The following IPO5 variants were observed in gnomAD, a reference collection of about 807,000 sequenced individuals.
The protein encoded by IPO5 is importin 5.
A neutral mutation model predicts 143.3 loss-of-function variants in IPO5; 18 were observed. That is an observed-to-expected ratio of 0.13 (90% CI 0.09 to 0.19). IPO5 has a LOEUF of 0.19. Ranked by LOEUF, IPO5 falls within the 10% of genes least tolerant of loss-of-function variation. The pLI, the probability that IPO5 is intolerant of heterozygous loss-of-function variation, is 1.00. For missense variants in IPO5, 1,013 were observed against 1,336.9 expected, an observed-to-expected ratio of 0.76 and a Z score of 3.78; for synonymous variants, 477 against 465.7, an observed-to-expected ratio of 1.02 and a Z score of -0.31.
intron 2 of IPO5, among the ~76,000 whole-genome samples, chr13:97,968,388 G>A (rs1885531131): frequency 6.6e-6 from 1 of 152,142 alleles, no homozygotes; most frequent in African/African-American, 2.4e-5. Flanking sequence ...CACTTGTCTT[G>A]TAGGTGTAGT....
At chr13:97,976,331 T>G (rs1250765522) in intron 3 of IPO5, 2 of 151,160 alleles carry the variant, frequency 1.3e-5, no homozygotes, top group Non-Finnish European at 2.9e-5. Context: ...CTGGCCCGGC[T>G]GCGAAGCCGC....
intron 4 of IPO5, chr13:97,979,963 T>G (rs1265768768): frequency 2.2e-6 from 1 of 456,684 alleles, no homozygotes; most frequent in Non-Finnish European, 4.4e-6. Context: ...CTATAAATAT[T>G]TATGGAATGA....
chr13:97,998,584 A>C (rs1461083165), intron 12 of IPO5, among the ~76,000 whole-genome samples: 1 of 152,182 alleles, frequency 6.6e-6, no homozygotes, highest in Non-Finnish European at 1.5e-5. Context: ...AGTCCCATGA[A>C]TACAGGAAAA....
intron 25 of IPO5, among the ~76,000 whole-genome samples, chr13:98,017,679 C>T (rs570648418): frequency 1.2e-4 from 18 of 152,146 alleles, no homozygotes; most frequent in Admixed American, 9.8e-4. Context: ...TGCCTCTGCC[C>T]CTGTGCGTGC....
At chr13:98,015,248 G>GTGTGTC (rs1373709444) in intron 22 of IPO5, among the ~76,000 whole-genome samples, 2 of 151,158 alleles carry the variant, frequency 1.3e-5, no homozygotes, top group African/African-American at 4.9e-5. Flanking sequence ...CTGGTTGTGT[G>GTGTGTC]TGTGTGTGTG....
At chr13:98,015,242 T>TTTTGTGTGTG (rs1555311876) in intron 22 of IPO5, among the ~76,000 whole-genome samples, 3 of 147,724 alleles carry the variant, frequency 2.0e-5, no homozygotes, top group Admixed American at 6.8e-5. Context: ...TAGGAGCTGG[T>TTTTGTGTGTG]TGTGTGTGTG....
intron 3 of IPO5, among the ~76,000 whole-genome samples, chr13:97,973,760 G>A (rs890707994): frequency 6.6e-6 from 1 of 152,138 alleles, no homozygotes; most frequent in Admixed American, 6.5e-5. Context: ...TTAGGTTTAC[G>A]CTTTGCCTCG....
chr13:98,000,743 CTT>C, intron 13 of IPO5, 98 bp downstream of exon 13: 2 of 767,902 alleles, frequency 2.6e-6, no homozygotes, highest in Non-Finnish European at 4.4e-6. Flanking sequence ...TAATCTTTGT[CTT>C]TTTATCATCC....
intron 2 of IPO5, 126 bp from the exon 3 acceptor site, chr13:97,969,597 C>A: frequency 1.6e-6 from 1 of 618,504 alleles, no homozygotes. Context: ...TTTTCTCCAA[C>A]TCTTAACCAG....
chr13:97,994,903 AT>A (rs1888115070), intron 11 of IPO5, among the ~76,000 whole-genome samples: 1 of 152,100 alleles, frequency 6.6e-6, no homozygotes, highest in Non-Finnish European at 1.5e-5. Context: ...AGGTGGGTAA[AT>A]TATGTGAGCT....
intron 26 of IPO5, 124 bp downstream of exon 26, chr13:98,018,828 C>G (rs2139872413): frequency 1.5e-6 from 1 of 663,902 alleles, no homozygotes; most frequent in Non-Finnish European, 2.6e-6. Context: ...TTTCAGACAT[C>G]TCATCTGTAG....
chr13:97,993,221 G>C lies in IPO5; in HGVS notation c.909G>C (p.Gln303His), dbSNP rs1485006022. Residue 303 changes from glutamine (Q) to histidine (H), a missense_variant, in exon 11 of 29, where the codon CAG (glutamine) becomes CAC (histidine). This residue lies in a region of IPO5 where 685 missense variants were observed against 994.9 expected (regional missense o/e 0.69). Transcript: ENST00000651721. ...MLRKHTNIVA[Q>H]TIPQMLAMMV... ...GAAAACATACCAATATTGTTGCACA[G>C]ACTAGTAAGTCAATGGTCTTCAGAT... The C allele has an allele frequency of 6.2e-7, 1 of 1,613,450 alleles. No individual in the cohort carries two copies. Among genetic ancestry groups the C allele is most frequent in the Non-Finnish European group, 8.5e-7 (1 of 1,179,896 alleles).
intron 2 of IPO5, among the ~76,000 whole-genome samples, chr13:97,959,040 C>A (rs529083823): frequency 6.6e-6 from 1 of 151,750 alleles, no homozygotes; most frequent in Non-Finnish European, 1.5e-5. Flanking sequence ...GACGTGGTGG[C>A]GGGCACCTGT....
intron 12 of IPO5, among the ~76,000 whole-genome samples, chr13:97,998,550 G>A (rs937775897): frequency 6.6e-6 from 1 of 152,120 alleles, no homozygotes; most frequent in Non-Finnish European, 1.5e-5. Context: ...TATTACTATT[G>A]TACTTATTTA....
intron 5 of IPO5, 150 bp from the exon 6 acceptor site, chr13:97,985,271 A>T (rs1887230666): frequency 1.6e-6 from 1 of 619,684 alleles, no homozygotes; most frequent in Non-Finnish European, 2.8e-6. Context: ...GCACTAACAA[A>T]ATAAGTCTGT....
chr13:97,954,023 A>G, intron 1 of IPO5, 96 bp from the exon 2 acceptor site: 1 of 392,634 alleles, frequency 2.5e-6, no homozygotes, highest in South Asian at 1.9e-5. Context: ...AGGAGGCATC[A>G]CTTGATTAGA....
rs543363543 is a variant in IPO5, at chr13:98,012,064, C to T, written c.2056-182C>T. On this transcript the variant is annotated intron_variant, in intron 20 of 28. Transcript: ENST00000651721. The stretch of plus-strand genomic sequence containing the variant: ...TCACTCACCAATACTACAATCATTT[C>T]ATGACCCTTCTTTTAAGACTCTTTT... Among the ~76,000 whole-genome samples, 14 of 151,758 alleles carry T rather than the reference C, an allele frequency of 9.2e-5. No homozygotes were observed. In the South Asian group the frequency reaches 1.3e-3, roughly 14 times the overall value.
intron 11 of IPO5, among the ~76,000 whole-genome samples, chr13:97,996,581 A>G (rs1475134780): frequency 1.3e-5 from 2 of 152,156 alleles, no homozygotes; most frequent in Non-Finnish European, 2.9e-5. Context: ...ACAGCTGTGC[A>G]GAGCGCAGCT....
intron 3 of IPO5, among the ~76,000 whole-genome samples, chr13:97,973,625 T>C (rs917148646): frequency 3.9e-5 from 6 of 152,228 alleles, no homozygotes; most frequent in African/African-American, 1.4e-4. Flanking sequence ...CTTAAAATTC[T>C]TCTCCTTCCC....
Sources: gnomAD v4.1 joint callset for allele counts (sites outside exome capture counted in the v4.1 genomes callset) on GRCh38, gnomAD v4.1.1 for gene constraint, gnomAD v4.1.1 regional missense constraint, MANE v1.5 for transcripts, NCBI Gene and HGNC (gene_info 2026-07-23, HGNC 2026-07-21) for gene names.